Variants in RAB11FIP1 observed in about 807,000 individuals in gnomAD.
RAB11FIP1 encodes rab11 family-interacting protein 1.
A neutral mutation model predicts 83.1 loss-of-function variants in RAB11FIP1; 49 were observed. That is an observed-to-expected ratio of 0.59 (90% CI 0.47 to 0.75). The LOEUF (loss-of-function observed/expected upper bound fraction) is 0.75, where lower values mean the gene tolerates loss of function less well. Among genes scored for constraint, RAB11FIP1 ranks in the 30% least tolerant of loss-of-function variants. The pLI is 0.00. For synonymous variants in RAB11FIP1, 670 were observed against 656.0 expected (o/e 1.02, Z -0.33); for missense variants, 1,536 against 1,598.7 (o/e 0.96, Z 0.67).
chr8:37,875,264 A>T lies in RAB11FIP1; in HGVS notation c.873T>A (p.Phe291Leu), dbSNP rs1230869748. 1 of 1,613,910 alleles carries T rather than the reference A, an allele frequency of 6.2e-7. No homozygotes were observed. Among genetic ancestry groups the T allele is most frequent in the Non-Finnish European group, 8.5e-7 (1 of 1,179,954 alleles). ...AAAGTCCTTCCTTCTTGGGAAGGGT[A>T]AAGTTGACCTGGTTCAGTTGCTTAA... ...TDLKQLNQVN[F>L]TLPKKEGLSF... is the part of the protein sequence containing the mutation. The change falls in exon 3 of 6, where the codon TTT becomes TTA. Residue 291 changes from phenylalanine to leucine, a missense_variant. Physicochemically the swap from Phe to Leu is conservative, Grantham distance 22. Coordinates refer to ENST00000330843, the MANE Select transcript of RAB11FIP1 (RefSeq NM_001002814.3).
At chr8:37,881,167 G>A (rs772622655) in intron 1 of RAB11FIP1, among the ~76,000 whole-genome samples, 1 of 152,184 alleles carries the variant, frequency 6.6e-6, no homozygotes, top group Non-Finnish European at 1.5e-5. Context: ...TCACAAGAAC[G>A]ACACGGAGTA....
At chr8:37,879,535 T>G (rs1014190461) in intron 1 of RAB11FIP1, among the ~76,000 whole-genome samples, 2 of 152,134 alleles carry the variant, frequency 1.3e-5, no homozygotes, top group African/African-American at 4.8e-5. Context: ...ATGGCGGTGA[T>G]GATCACACAA....
Position 37,899,111 on chromosome 8 carries a change from G to T in RAB11FIP1, c.331C>A (p.Leu111Met), listed in dbSNP as rs1472622874. 2 of 1,532,006 alleles carry T rather than the reference G, an allele frequency of 1.3e-6. No individual in the cohort carries two copies. The highest frequency in any genetic ancestry group is 3.9e-5 in the Admixed American group (2 of 51,422). The allele number at this position is 1,532,006 out of a possible 1,614,324, so 94.9% of individuals were successfully genotyped here. The change falls in exon 1 of 6, where the codon CTG becomes ATG. Residue 111 changes from leucine to methionine, a missense_variant. Leu to Met is a conservative substitution (Grantham distance 15). Coordinates refer to ENST00000330843, the MANE Select transcript of RAB11FIP1 (RefSeq NM_001002814.3). The surrounding 1 kb of genome is among the most constrained non-coding windows in gnomAD (Gnocchi z 4.5). ...CCCTGGTCGCGGTGCAGATCCCGCA[G>T]GTCCACCTCGGCGCGGCCCAGGAAC... is the stretch of plus-strand genomic sequence containing the variant. ...DKFLGRAEVD[L>M]RDLHRDQGRR...
chr8:37,861,479 G>A lies in RAB11FIP1; in HGVS notation c.*1416C>T, dbSNP rs1806230578. 2 of 412,668 alleles carry A rather than the reference G, an allele frequency of 4.8e-6. No homozygotes were observed. The highest frequency in any genetic ancestry group is 4.6e-6 in the Non-Finnish European group (1 of 215,712). 25.6% of individuals were successfully genotyped at this position (412,668 alleles called of 1,614,324 possible). ...AAAGTGTTCAAAGGACAGACATGCAGATGCAGTTCAATCCCTTTGGGGTCC... is the reference window on the plus strand; with the variant it reads ...AAAGTGTTCAAAGGACAGACATGCAAATGCAGTTCAATCCCTTTGGGGTCC... On this transcript the variant is annotated 3_prime_UTR_variant, in exon 6 of 6. Transcript: ENST00000330843.
Position 37,872,284 on chromosome 8 carries a change from G to T in RAB11FIP1, c.2518C>A (p.Pro840Thr). ...GCGTTTCCAGCAACAGACCATGCAG[G>T]GTTCAGCTCCTGGGGACAACTGCTG... ...GHSSCPQELN[P>T]AWSVAGNASD... Residue 840 changes from proline (P) to threonine (T), a missense_variant, in exon 4 of 6, where the codon CCT (proline) becomes ACT (threonine). Pro to Thr is a conservative substitution (Grantham distance 38). Coordinates refer to ENST00000330843, the MANE Select transcript of RAB11FIP1 (RefSeq NM_001002814.3). The T allele has an allele frequency of 1.2e-6, 2 of 1,614,032 alleles. No individual in the cohort carries two copies. The highest frequency in any genetic ancestry group is 1.7e-6 in the Non-Finnish European group (2 of 1,179,974).
intron 1 of RAB11FIP1, among the ~76,000 whole-genome samples, chr8:37,884,810 A>G (rs1029223739): frequency 1.3e-5 from 2 of 151,538 alleles, no homozygotes; most frequent in Non-Finnish European, 2.9e-5. Context: ...TAGCCTCCCA[A>G]AGTGCCAGGA....
intron 1 of RAB11FIP1, among the ~76,000 whole-genome samples, chr8:37,885,097 C>T (rs996341407): frequency 6.6e-6 from 1 of 151,546 alleles, no homozygotes; most frequent in Non-Finnish European, 1.5e-5. Flanking sequence ...CAGATTCAAG[C>T]AATTCTCCTG....
In RAB11FIP1 at chr8:37,877,248, A is replaced by G. The variant is rs1467765796; in HGVS notation, c.675T>C (p.Asn225=). 1 of 1,614,150 alleles carries G rather than the reference A, an allele frequency of 6.2e-7. No homozygotes were observed. The highest frequency in any genetic ancestry group is 8.5e-7 in the Non-Finnish European group (1 of 1,180,026). ...ACTGGGAAAGAGGCGTCTTCTGCAA[A>G]TTTGACTTGGAAAGTAAGGTCTTGA... ...SKIKTLLSKS[N]LQKTPLSQSM... is the part of the protein sequence containing the mutation. Residue 225 remains asparagine (N), a synonymous_variant, in exon 2 of 6, where the codon AAT becomes AAC. Transcript: ENST00000330843.
Position 37,871,337 on chromosome 8 carries a change from G to T in RAB11FIP1, c.3465C>A (p.Pro1155=), listed in dbSNP as rs551378650. 1 of 1,614,096 alleles carries T rather than the reference G, an allele frequency of 6.2e-7. No individual in the cohort carries two copies. The highest frequency in any genetic ancestry group is 1.1e-5 in the South Asian group (1 of 91,074). ...RKPLLQAWVS[P]SETHPVSAQP... is the part of the protein sequence containing the mutation. ...GAGCTGAGACTGGATGTGTCTCCGA[G>T]GGTGAGACCCAGGCCTGGAGGAGTG... Residue 1155 remains proline, a synonymous_variant, in exon 4 of 6, where the codon CCC becomes CCA. Transcript: ENST00000330843.
At chr8:37,867,950 C>G (rs1806375554) in intron 5 of RAB11FIP1, among the ~76,000 whole-genome samples, 1 of 152,088 alleles carries the variant, frequency 6.6e-6, no homozygotes, top group Non-Finnish European at 1.5e-5. Flanking sequence ...GTACCCAGCA[C>G]TTGAAAAACA....
At chr8:37,894,723 C>CATAT (rs140765783) in intron 1 of RAB11FIP1, among the ~76,000 whole-genome samples, 33 of 142,038 alleles carry the variant, frequency 2.3e-4, no homozygotes, top group Admixed American at 1.8e-3. Flanking sequence ...TATATATATA[C>CATAT]ATATATATAT....
In RAB11FIP1 at chr8:37,872,176, C is replaced by A. The variant is rs142268162; in HGVS notation, c.2626G>T (p.Gly876Cys). 16 of 1,613,882 alleles carry A rather than the reference C, an allele frequency of 9.9e-6. No individual in the cohort carries two copies. The African/African-American group carries it at 1.9e-4, about 19-fold the overall frequency. ...SVTTPGPATCGAPASPADHLL... is the reference protein window; with the variant it reads ...SVTTPGPATCCAPASPADHLL... ...TGATCCGCTGGGGAGGCTGGCGCAC[C>A]ACACGTCGCTGGCCCAGGTGTGGTC... The change falls in exon 4 of 6, where the codon GGT (glycine) becomes TGT (cysteine). Residue 876 changes from glycine (G) to cysteine (C), a missense_variant. Gly to Cys is a radical substitution (Grantham distance 159). Coordinates refer to ENST00000330843, the MANE Select transcript of RAB11FIP1 (RefSeq NM_001002814.3).
chr8:37,871,129 C>T (rs1806447405), intron 4 of RAB11FIP1, 149 bp downstream of exon 4: 11 of 985,704 alleles, frequency 1.1e-5, no homozygotes, highest in Non-Finnish European at 1.6e-5. Flanking sequence ...GAGGTATTAC[C>T]ACCACAAGGG....
intron 1 of RAB11FIP1, among the ~76,000 whole-genome samples, chr8:37,893,076 C>CT (rs1167070715): frequency 0.087 from 12,057 of 138,026 alleles, 996 homozygotes; most frequent in African/African-American, 0.22. Context: ...GTTCTTTTTT[C>CT]TTTTTTTTTT....
At chr8:37,873,710 T>C (rs1456534947) in intron 3 of RAB11FIP1, among the ~76,000 whole-genome samples, 2 of 151,934 alleles carry the variant, frequency 1.3e-5, no homozygotes, top group African/African-American at 2.4e-5. Context: ...AAGATCCCGG[T>C]AAAGCAATAG....
chr8:37,888,781 G>A (rs1281520241), intron 1 of RAB11FIP1, among the ~76,000 whole-genome samples: 4 of 144,792 alleles, frequency 2.8e-5, no homozygotes, highest in Admixed American at 7.0e-5. Flanking sequence ...CAGTGTATAC[G>A]TTCTGCAACT....
intron 4 of RAB11FIP1, chr8:37,870,874 T>G (rs1806438664): frequency 3.5e-6 from 1 of 288,354 alleles, no homozygotes; most frequent in Admixed American, 4.9e-5. Context: ...CAGAGGCTTC[T>G]GTCCCTCCAC....
rs764716025 is a variant in RAB11FIP1, at chr8:37,877,401, C to T, written c.522G>A (p.Lys174=). 1.2e-6 allele frequency: 2 copies of T among 1,614,150 alleles called. 1 individual carries two copies. The highest frequency in any genetic ancestry group is 2.2e-5 in the South Asian group (2 of 91,082). Reference sequence around the variant, plus strand: ...CCTTATTCTTCCCCTTGATCTTGTCCTTCAGCTTTCCAAATGGATTCCGAG... The same window carrying T: ...CCTTATTCTTCCCCTTGATCTTGTCTTTCAGCTTTCCAAATGGATTCCGAG... The part of the protein sequence containing the change: ...DKSRNPFGKL[K]DKIKGKNKDS... Residue 174 remains lysine (K), a synonymous_variant, in exon 2 of 6, where the codon AAG becomes AAA. Coordinates refer to ENST00000330843, the MANE Select transcript of RAB11FIP1 (RefSeq NM_001002814.3).
rs761201119 is a variant in RAB11FIP1, at chr8:37,874,639, T to G, written c.1498A>C (p.Ser500Arg). 6.2e-7 allele frequency: 1 copy of G among 1,614,210 alleles called. No individual in the cohort carries two copies. Among genetic ancestry groups the G allele is most frequent in the Non-Finnish European group, 8.5e-7 (1 of 1,180,030 alleles). Residue 500 changes from serine (S) to arginine (R), a missense_variant, in exon 3 of 6, where the codon AGC (serine) becomes CGC (arginine). Transcript: ENST00000330843. ...DTAAVVSRQG[S>R]SLNLFEDVQI... ...ACATCTTCAAAGAGGTTCAGGGAGC[T>G]GCCCTGTCTGGAGACAACAGCTGCA... is the stretch of plus-strand genomic sequence containing the variant.
Sources: allele counts gnomAD v4.1 joint callset (sites outside exome capture counted in the v4.1 genomes callset), GRCh38; gene constraint gnomAD v4.1.1; non-coding constraint Gnocchi (gnomAD v3.1); transcripts MANE v1.5; gene names NCBI Gene and HGNC (gene_info 2026-07-23, HGNC 2026-07-21).